ABI3: variants seen among roughly 807,000 people sequenced by gnomAD.
ABI3 encodes ABI family member 3.
ABI3 carries 24 observed loss-of-function variants against 37.0 expected under a neutral mutation model. That is an observed-to-expected ratio of 0.65 (90% CI 0.47 to 0.91). The LOEUF is 0.91. ABI3 is among the 40% of genes least tolerant of loss of function. The probability of loss-of-function intolerance (pLI) is 0.00; values close to 1 mark genes in which losing one functional copy is unlikely to be tolerated. For synonymous variants in ABI3, 220 were observed against 211.8 expected (o/e 1.04, Z -0.34); for missense variants, 481 against 485.1 (o/e 0.99, Z 0.08).
chr17:49,213,599 G>T (rs1370298381), intron 1 of ABI3, among the ~76,000 whole-genome samples: 1 of 152,200 alleles, frequency 6.6e-6, no homozygotes, highest in Non-Finnish European at 1.5e-5. Context: ...ACGGTAATTT[G>T]CATGATGAAC....
In ABI3 at chr17:49,216,725, A is replaced by G. The variant is rs775361511; in HGVS notation, c.285+27A>G. ...TAAGGGGCGTGGGGCGTGGGAAGGCATCTTGTGTCAGGCCTCAACTCTTCA... is the reference window on the plus strand; with the variant it reads ...TAAGGGGCGTGGGGCGTGGGAAGGCGTCTTGTGTCAGGCCTCAACTCTTCA... On this transcript the variant is annotated intron_variant, in intron 2 of 7. Coordinates refer to ENST00000225941, the MANE Select transcript of ABI3 (RefSeq NM_016428.3). 2.7e-6 allele frequency: 4 copies of G among 1,461,176 alleles called. No individual in the cohort carries two copies. In the South Asian group the frequency reaches 4.3e-5, roughly 16 times the overall value. 90.5% of individuals were successfully genotyped at this position (1,461,176 alleles called of 1,614,324 possible).
intron 1 of ABI3, 34 bp from the exon 2 acceptor site, chr17:49,216,497 G>T (rs1357165213): frequency 1.4e-6 from 2 of 1,478,368 alleles, no homozygotes; most frequent in Non-Finnish European, 1.8e-6. Context: ...AGTGGAAGAT[G>T]CTGGCCCTTA....
rs1487085800 is a variant in ABI3 at position 49,219,110 on chromosome 17, C to T, written c.463-430C>T. Among the ~76,000 whole-genome samples the T allele has an allele frequency of 6.6e-6, 1 of 152,156 alleles. No homozygotes were observed. The highest frequency in any genetic ancestry group is 1.9e-4 in the East Asian group (1 of 5,190). On this transcript the variant is annotated intron_variant, in intron 3 of 7. Transcript: ENST00000225941. The surrounding 1 kb of genome is among the most constrained non-coding windows in gnomAD (Gnocchi z 4.3). ...GGTCTTGCTCCTCTCTGCCCTAACT[C>T]CCCAAAGCCAGTTCCACAAATCTTC...
intron 6 of ABI3, among the ~76,000 whole-genome samples, chr17:49,221,221 A>C (rs2043283546): frequency 6.6e-6 from 1 of 151,402 alleles, no homozygotes. Context: ...CTGTAATCCC[A>C]GCACTTTGGG....
Position 49,222,758 on chromosome 17 carries a change from G to T in ABI3, c.*43G>T, listed in dbSNP as rs1229133691. On this transcript the variant is annotated 3_prime_UTR_variant, in exon 8 of 8. Coordinates refer to ENST00000225941, the MANE Select transcript of ABI3 (RefSeq NM_016428.3). Reference sequence around the variant, plus strand: ...GGCAGCTGATGTCTGCACTGAGTGGGTTTCATGAGCCCCAAGCCAAAACCA... The same window carrying T: ...GGCAGCTGATGTCTGCACTGAGTGGTTTTCATGAGCCCCAAGCCAAAACCA... The T allele has an allele frequency of 2.0e-6, 3 of 1,525,624 alleles. No individual in the cohort carries two copies. The Admixed American group carries it at 6.0e-5, about 30-fold the overall frequency. 94.5% of individuals were successfully genotyped at this position (1,525,624 alleles called of 1,614,324 possible).
intron 1 of ABI3, among the ~76,000 whole-genome samples, chr17:49,212,696 A>C (rs1459200204): frequency 1.3e-5 from 2 of 152,224 alleles, no homozygotes; most frequent in Non-Finnish European, 2.9e-5. Flanking sequence ...TCACTTTCCC[A>C]GAAGTCTCCT....
Position 49,217,852 on chromosome 17 carries a change from C to T in ABI3, c.399C>T (p.Leu133=). 1 of 1,605,378 alleles carries T rather than the reference C, an allele frequency of 6.2e-7. No homozygotes were observed. Among genetic ancestry groups the T allele is most frequent in the South Asian group, 1.1e-5 (1 of 89,598 alleles). ...TCGCCCCAGAGAACCTACCCCCTCTCACGCCCTACTGCAGGAGACCCCTCA... is the reference window on the plus strand; with the variant it reads ...TCGCCCCAGAGAACCTACCCCCTCTTACGCCCTACTGCAGGAGACCCCTCA... The part of the protein sequence containing the change: ...KVIAPENLPP[L]TPYCRRPLNF... Residue 133 remains leucine (L), a synonymous_variant, in exon 3 of 8, where the codon CTC becomes CTT. Coordinates refer to ENST00000225941, the MANE Select transcript of ABI3 (RefSeq NM_016428.3).
In ABI3 at chr17:49,210,863, C is replaced by G; in HGVS notation, c.117+22C>G. 1 of 1,535,300 alleles carries G rather than the reference C, an allele frequency of 6.5e-7. No individual in the cohort carries two copies. On this transcript the variant is annotated intron_variant, in intron 1 of 7. Transcript: ENST00000225941. This position sits in a 1 kb window ranked among gnomAD's most constrained non-coding sequence, Gnocchi z 4.2. ...GCAGGTAGGTAGAGCGGGCGGAAGCCTGACACCCCAGCCCCCGGAGGGGGG... is the reference window on the plus strand; with the variant it reads ...GCAGGTAGGTAGAGCGGGCGGAAGCGTGACACCCCAGCCCCCGGAGGGGGG...
intron 6 of ABI3, among the ~76,000 whole-genome samples, chr17:49,221,880 G>A (rs555711755): frequency 1.6e-4 from 25 of 152,162 alleles, no homozygotes; most frequent in Non-Finnish European, 2.5e-4. Flanking sequence ...CACCATGCCC[G>A]GCTAATTTTT....
rs747946136 is a variant in ABI3 at position 49,222,326 on chromosome 17, C to T, written c.937+101C>T. The T allele has an allele frequency of 9.5e-6, 14 of 1,472,780 alleles. No individual in the cohort carries two copies. In the Admixed American group the frequency reaches 2.6e-4, roughly 27 times the overall value. The allele number at this position is 1,472,780 out of a possible 1,614,324, so 91.2% of individuals were successfully genotyped here. ...CAAAGGTGTGAATCTATCCCCCGGG[C>T]CCCCCACACAATTTTTCTGACGAAC... On this transcript the variant is annotated intron_variant, in intron 7 of 7. Transcript: ENST00000225941.
chr17:49,211,468 A>G (rs1322316150), intron 1 of ABI3, among the ~76,000 whole-genome samples: 1 of 152,214 alleles, frequency 6.6e-6, no homozygotes, highest in African/African-American at 2.4e-5. Flanking sequence ...CTGAGAACAT[A>G]GATTCCTGGA....
chr17:49,220,858 T>TAATA (rs1306731571), intron 6 of ABI3, among the ~76,000 whole-genome samples: 1 of 74,390 alleles, frequency 1.3e-5, no homozygotes, highest in African/African-American at 4.5e-5. Flanking sequence ...ATAATAATAA[T>TAATA]AATAATAATA....
chr17:49,211,445 G>A (rs1384493087), intron 1 of ABI3, among the ~76,000 whole-genome samples: 2 of 152,214 alleles, frequency 1.3e-5, no homozygotes, highest in African/African-American at 4.8e-5. Context: ...TAAATTGTGT[G>A]GTTGTCCTGG....
chr17:49,220,952 G>A (rs949844082), intron 6 of ABI3, among the ~76,000 whole-genome samples: 4 of 151,750 alleles, frequency 2.6e-5, no homozygotes, highest in Non-Finnish European at 5.9e-5. Context: ...ACTTTGGGGG[G>A]CTGTGGAGGG....
At position 49,219,946 on chromosome 17, in the gene ABI3, T is replaced by TCGGC. The variant is rs2043264446; in HGVS notation, c.641_644dup (p.Ser216ArgfsTer73). 2.0e-6 allele frequency: 3 copies of TCGGC among 1,522,586 alleles called. No individual in the cohort carries two copies. Among genetic ancestry groups the TCGGC allele is most frequent in the Non-Finnish European group, 2.7e-6 (3 of 1,130,304 alleles). 94.3% of individuals were successfully genotyped at this position (1,522,586 alleles called of 1,614,324 possible). Reference sequence around the variant, plus strand: ...CGCCTCCTCTGCGTTTTCCCTGGCCTCGGCCGGGTGAGACCTACAAGCCCA... The same window carrying TCGGC: ...CGCCTCCTCTGCGTTTTCCCTGGCCTCGGCCGGCCGGGTGAGACCTACAAGCCCA... On this transcript the variant is annotated frameshift_variant, in exon 5 of 8. Coordinates refer to ENST00000225941, the MANE Select transcript of ABI3 (RefSeq NM_016428.3). LOFTEE classifies it high-confidence loss of function. The surrounding 1 kb of genome is among the most constrained non-coding windows in gnomAD (Gnocchi z 4.3).
Position 49,223,062 on chromosome 17 carries a change from C to A in ABI3, c.*347C>A, listed in dbSNP as rs191319602. 5.8e-4 allele frequency: 248 copies of A among 424,874 alleles called. 3 individuals carry two copies. In the South Asian group the frequency reaches 0.015, roughly 26 times the overall value. 26.3% of individuals were successfully genotyped at this position (424,874 alleles called of 1,614,324 possible). A position where few individuals can be genotyped will look rare whatever the true frequency, so the allele number is the denominator to read the frequency against. ...GGGGCCAGGAGGGATTGAAAGGCAT[C>A]CCAGTTCTAAGGCTGCTGCTAATTA... On this transcript the variant is annotated 3_prime_UTR_variant, in exon 8 of 8. Transcript: ENST00000225941.
chr17:49,212,212 C>T (rs2043175910), intron 1 of ABI3, among the ~76,000 whole-genome samples: 1 of 152,186 alleles, frequency 6.6e-6, no homozygotes, highest in South Asian at 2.1e-4. Context: ...CCTTGGCCTC[C>T]CAAAGTGCTG....
Position 49,216,826 on chromosome 17 carries a change from G to A in ABI3, c.285+128G>A, listed in dbSNP as rs1598241450. ...TGTCCAAATGCCCAACTCTACAGCA[G>A]AAGGTTGGCACTTCCCAAGCTTTTT... On this transcript the variant is annotated intron_variant, in intron 2 of 7. Coordinates refer to ENST00000225941, the MANE Select transcript of ABI3 (RefSeq NM_016428.3). 4 of 1,175,342 alleles carry A rather than the reference G, an allele frequency of 3.4e-6. No individual in the cohort carries two copies. In the East Asian group the frequency reaches 1.3e-4, roughly 37 times the overall value. 72.8% of individuals were successfully genotyped at this position (1,175,342 alleles called of 1,614,324 possible). A position where few individuals can be genotyped will look rare whatever the true frequency, so the allele number is the denominator to read the frequency against.
Position 49,220,325 on chromosome 17 carries a change from G to C in ABI3, c.801G>C (p.Pro267=). The C allele has an allele frequency of 6.3e-7, 1 of 1,579,156 alleles. No homozygotes were observed. Among genetic ancestry groups the C allele is most frequent in the South Asian group, 1.2e-5 (1 of 86,708 alleles). The change falls in exon 6 of 8, where the codon CCG becomes CCC. Residue 267 remains proline (P), a splice_region_variant and synonymous_variant. Coordinates refer to ENST00000225941, the MANE Select transcript of ABI3 (RefSeq NM_016428.3). ...TGGAGGAGTTGTCCCCACCCCCACC[G>C]GGTAAGGAGGTCCACCCTCTTCTTC... The part of the protein sequence containing the change: ...PTLEELSPPP[P]DEELPLPLDL...
Sources: gnomAD v4.1 joint callset for allele counts (sites outside exome capture counted in the v4.1 genomes callset) on GRCh38, gnomAD v4.1.1 for gene constraint, Gnocchi (gnomAD v3.1) non-coding constraint, MANE v1.5 for transcripts, NCBI Gene and HGNC (gene_info 2026-07-23, HGNC 2026-07-21) for gene names.